The following LRRTM4 variants were observed in gnomAD, a reference collection of about 807,000 sequenced individuals.
LRRTM4 encodes leucine-rich repeat transmembrane neuronal protein 4.
LRRTM4 carries 25 observed loss-of-function variants against 47.6 expected under a neutral mutation model. That is an observed-to-expected ratio of 0.53 (90% CI 0.38 to 0.73). The LOEUF is 0.73. Among genes scored for constraint, LRRTM4 ranks in the 30% least tolerant of loss-of-function variants. The pLI is 0.00. For synonymous variants in LRRTM4, 311 were observed against 269.5 expected (o/e 1.15, Z -1.51); for missense variants, 638 against 713.4 (o/e 0.89, Z 1.20).
chr2:77,386,953 A>C (rs1673303936), intron 3 of LRRTM4, among the ~76,000 whole-genome samples: 1 of 152,076 alleles, frequency 6.6e-6, no homozygotes, highest in Non-Finnish European at 1.5e-5. Flanking sequence ...AAAAAAAATA[A>C]AGTTGGTTAT....
chr2:76,930,555 T>C (rs1026932940), intron 3 of LRRTM4, among the ~76,000 whole-genome samples: 1 of 152,178 alleles, frequency 6.6e-6, no homozygotes, highest in Non-Finnish European at 1.5e-5. Context: ...TGCAATTCTC[T>C]CTTGGTCATT....
intron 3 of LRRTM4, among the ~76,000 whole-genome samples, chr2:77,052,033 A>T (rs1415810050): frequency 6.6e-6 from 1 of 151,690 alleles, no homozygotes; most frequent in Non-Finnish European, 1.5e-5. Flanking sequence ...TGAGACATAG[A>T]TTGTGTCTGA....
intron 2 of LRRTM4, among the ~76,000 whole-genome samples, chr2:77,520,584 C>T (rs1169343981): frequency 6.6e-6 from 1 of 152,036 alleles, no homozygotes; most frequent in Non-Finnish European, 1.5e-5. Flanking sequence ...TAACAGAGAA[C>T]ACTCCAAAGT....
chr2:77,357,635 A>G (rs1331441601), intron 3 of LRRTM4, among the ~76,000 whole-genome samples: 2 of 152,226 alleles, frequency 1.3e-5, no homozygotes, highest in Non-Finnish European at 2.9e-5. Flanking sequence ...AAGGCATTTA[A>G]AAGACATGGT....
chr2:77,391,039 T>C (rs1673484486), intron 3 of LRRTM4, among the ~76,000 whole-genome samples: 1 of 152,004 alleles, frequency 6.6e-6, no homozygotes, highest in African/African-American at 2.4e-5. Flanking sequence ...TTGGGGAGCA[T>C]GACCCACTTA....
chr2:76,902,710 C>G (rs940741220), intron 3 of LRRTM4, among the ~76,000 whole-genome samples: 40 of 149,506 alleles, frequency 2.7e-4, no homozygotes, highest in African/African-American at 9.2e-4. Flanking sequence ...CCTGGACTTG[C>G]TCTCTAAGTT....
Position 76,879,835 on chromosome 2 carries a change from G to A in LRRTM4, c.1552-130919C>T, listed in dbSNP as rs775625360. On this transcript the variant is annotated intron_variant, in intron 3 of 3. Transcript: ENST00000409884. ...GCAGTCAAAATATCAACATTAATAGGAGTCTGGAAGAAGTTGATTTCAATC... is the reference window on the plus strand; with the variant it reads ...GCAGTCAAAATATCAACATTAATAGAAGTCTGGAAGAAGTTGATTTCAATC... Among the ~76,000 whole-genome samples the A allele has an allele frequency of 9.2e-5, 14 of 152,308 alleles. No homozygotes were observed. The South Asian group carries it at 2.9e-3, about 32-fold the overall frequency.
intron 3 of LRRTM4, among the ~76,000 whole-genome samples, chr2:77,034,299 G>C (rs1678763423): frequency 6.6e-6 from 1 of 151,872 alleles, no homozygotes; most frequent in Non-Finnish European, 1.5e-5. Flanking sequence ...CAGCTTTCTA[G>C]AAGTCTTGCC....
chr2:76,792,893 T>A (rs897302953), intron 3 of LRRTM4, among the ~76,000 whole-genome samples: 1 of 152,178 alleles, frequency 6.6e-6, no homozygotes, highest in African/African-American at 2.4e-5. Flanking sequence ...TCCACTGTCC[T>A]GAAAACCATC....
chr2:77,279,017 C>T (rs79089644), intron 3 of LRRTM4, among the ~76,000 whole-genome samples: 1 of 151,906 alleles, frequency 6.6e-6, no homozygotes, highest in Non-Finnish European at 1.5e-5. Context: ...TGATGCATGC[C>T]TTTGGAGATT....
In LRRTM4 at chr2:77,400,830, T is replaced by C. The variant is rs545073322; in HGVS notation, c.1551+117488A>G. ...GTTTACCCAACCCCTATTTCCTGAA[T>C]ACCCAACCCCTATCTGTTGTTGTAG... On this transcript the variant is annotated intron_variant, in intron 3 of 3. Transcript: ENST00000409884. Among the ~76,000 whole-genome samples the C allele has an allele frequency of 2.1e-3, 326 of 151,904 alleles. 1 individual carries two copies. Among genetic ancestry groups the C allele is most frequent in the African/African-American group, 7.7e-3 (319 of 41,502 alleles).
chr2:77,376,046 T>C (rs1343132274), intron 3 of LRRTM4, among the ~76,000 whole-genome samples: 1 of 151,824 alleles, frequency 6.6e-6, no homozygotes, highest in African/African-American at 2.4e-5. Context: ...TCCTAGAAAA[T>C]AGAAGTTGTT....
At chr2:77,413,418 C>T (rs1026866478) in intron 3 of LRRTM4, among the ~76,000 whole-genome samples, 2 of 152,136 alleles carry the variant, frequency 1.3e-5, no homozygotes, top group South Asian at 4.1e-4. Flanking sequence ...ACTCATCCTA[C>T]GCATTCCAAA....
chr2:77,322,847 CTCTT>C (rs1162195034), intron 3 of LRRTM4, among the ~76,000 whole-genome samples: 1 of 150,838 alleles, frequency 6.6e-6, no homozygotes, highest in African/African-American at 2.4e-5. Flanking sequence ...CTCTCTCTCT[CTCTT>C]TCTTCCACCC....
chr2:76,846,222 G>A (rs1033319635), intron 3 of LRRTM4, among the ~76,000 whole-genome samples: 25 of 152,060 alleles, frequency 1.6e-4, no homozygotes, highest in Admixed American at 4.6e-4. Context: ...TGATGTAAGC[G>A]AGACACCTAC....
intron 3 of LRRTM4, among the ~76,000 whole-genome samples, chr2:77,125,936 G>A (rs1671642655): frequency 6.7e-6 from 1 of 148,808 alleles, no homozygotes; most frequent in Admixed American, 6.7e-5. Flanking sequence ...CTATGTATGT[G>A]TATATATATA....
rs56028060 is a variant in LRRTM4 at position 77,019,253 on chromosome 2, C to CAAAAAA, written c.1552-270343_1552-270338dup. 1.5e-3 allele frequency among the ~76,000 whole-genome samples: 119 copies of CAAAAAA among 80,284 alleles called. 2 individuals are homozygous for CAAAAAA. The highest frequency in any genetic ancestry group is 3.3e-3 in the African/African-American group (71 of 21,740). The allele number at this position is 80,284 out of a possible 152,430, so 52.7% of individuals were successfully genotyped here. On this transcript the variant is annotated intron_variant, in intron 3 of 3. Transcript: ENST00000409884. Reference sequence around the variant, plus strand: ...GGATACTAAGCTTGTCACTGCTCTACAAAAAAAAAAAAAAAAAAAAAAATA... The same window carrying CAAAAAA: ...GGATACTAAGCTTGTCACTGCTCTACAAAAAAAAAAAAAAAAAAAAAAAAAAAAATA...
chr2:77,055,571 A>T (rs548873470), intron 3 of LRRTM4, among the ~76,000 whole-genome samples: 6 of 152,318 alleles, frequency 3.9e-5, no homozygotes, highest in African/African-American at 1.4e-4. Context: ...GAGAAATAGG[A>T]ACACTTTTAC....
At chr2:77,072,397 C>A (rs1295822043) in intron 3 of LRRTM4, among the ~76,000 whole-genome samples, 2 of 152,036 alleles carry the variant, frequency 1.3e-5, no homozygotes, top group African/African-American at 4.8e-5. Flanking sequence ...TGTGAAAAAA[C>A]CTGATGGTCT....
Sources: gnomAD v4.1 joint callset for allele counts (sites outside exome capture counted in the v4.1 genomes callset) on GRCh38, gnomAD v4.1.1 for gene constraint, MANE v1.5 for transcripts, NCBI Gene and HGNC (gene_info 2026-07-23, HGNC 2026-07-21) for gene names.